CPED1: variants seen among roughly 807,000 people sequenced by gnomAD.
The protein encoded by CPED1 is cadherin like and PC-esterase domain containing 1, also known as cadherin-like and PC-esterase domain-containing protein 1.
A neutral mutation model predicts 128.2 loss-of-function variants in CPED1; 114 were observed. The ratio of observed to expected loss-of-function variants is 0.89; its 90% CI spans 0.76 to 1.04. CPED1 has a LOEUF of 1.04. Ranked by LOEUF, CPED1 falls within the 50% of genes least tolerant of loss-of-function variation. CPED1 has a pLI of 0.00. For synonymous variants in CPED1, 462 were observed against 426.7 expected (o/e 1.08, Z -1.02); for missense variants, 1,211 against 1,207.1 (o/e 1.00, Z -0.05).
At chr7:121,036,507 A>ATTTT (rs1302763163) in intron 3 of CPED1, among the ~76,000 whole-genome samples, 4 of 133,924 alleles carry the variant, frequency 3.0e-5, no homozygotes, top group Admixed American at 7.9e-5. Context: ...ATATATATAT[A>ATTTT]TTTTTTTTTT....
At chr7:121,251,411 A>G (rs1725139152) in intron 18 of CPED1, among the ~76,000 whole-genome samples, 1 of 152,176 alleles carries the variant, frequency 6.6e-6, no homozygotes, top group Non-Finnish European at 1.5e-5. Flanking sequence ...GGCACAAGAC[A>G]GGGATGCCCT....
chr7:121,041,563 G>A (rs1793052662), intron 3 of CPED1, among the ~76,000 whole-genome samples: 1 of 152,082 alleles, frequency 6.6e-6, no homozygotes, highest in Non-Finnish European at 1.5e-5. Flanking sequence ...TTTCTCTGTT[G>A]TTCTCTGGAT....
chr7:121,092,831 C>A (rs971701174), intron 5 of CPED1, among the ~76,000 whole-genome samples: 2 of 152,186 alleles, frequency 1.3e-5, no homozygotes, highest in African/African-American at 4.8e-5. Context: ...TGCATTTCAG[C>A]TCTGGTGCTG....
intron 7 of CPED1, among the ~76,000 whole-genome samples, chr7:121,110,392 G>C (rs1795080837): frequency 6.6e-6 from 1 of 152,150 alleles, no homozygotes; most frequent in Non-Finnish European, 1.5e-5. Flanking sequence ...ATATATCTAA[G>C]AATGAAATGA....
intron 16 of CPED1, among the ~76,000 whole-genome samples, chr7:121,195,562 T>C (rs1308990084): frequency 6.6e-6 from 1 of 152,116 alleles, no homozygotes. Flanking sequence ...TGGAACCAAA[T>C]GTAGAAAAGT....
intron 4 of CPED1, among the ~76,000 whole-genome samples, chr7:121,063,615 G>A (rs1459970983): frequency 6.6e-6 from 1 of 152,096 alleles, no homozygotes; most frequent in Non-Finnish European, 1.5e-5. Flanking sequence ...TGATCTGTTG[G>A]TTTTAACAAG....
chr7:121,216,714 T>C (rs76057316), intron 16 of CPED1, among the ~76,000 whole-genome samples: 5 of 152,154 alleles, frequency 3.3e-5, no homozygotes, highest in Non-Finnish European at 7.4e-5. Flanking sequence ...CAATCACCTA[T>C]AGCCAAAAAG....
chr7:121,047,709 CTTCTTCTTTTT>C (rs1376862169), intron 4 of CPED1, among the ~76,000 whole-genome samples: 8 of 86,820 alleles, frequency 9.2e-5, no homozygotes, highest in African/African-American at 4.1e-4. Context: ...TCTTCTTCTT[CTTCTTCTTTTT>C]TTTTTTTTGA....
chr7:121,088,966 A>G (rs1313888596), intron 5 of CPED1, among the ~76,000 whole-genome samples: 1 of 152,108 alleles, frequency 6.6e-6, no homozygotes, highest in Non-Finnish European at 1.5e-5. Context: ...AAGGCTGAGA[A>G]TTGAGACACC....
intron 7 of CPED1, among the ~76,000 whole-genome samples, chr7:121,103,725 C>T (rs886964899): frequency 2.4e-4 from 37 of 151,978 alleles, no homozygotes; most frequent in African/African-American, 8.7e-4. Context: ...GAATTCAAAG[C>T]CCAAATGACT....
intron 18 of CPED1, among the ~76,000 whole-genome samples, chr7:121,246,473 C>T (rs1293406231): frequency 6.6e-6 from 1 of 152,180 alleles, no homozygotes; most frequent in Middle Eastern, 3.2e-3. Flanking sequence ...TAGCCCTCTT[C>T]CTGGCTTCTG....
chr7:121,015,218 C>T (rs1585018781), intron 2 of CPED1, among the ~76,000 whole-genome samples: 2 of 152,298 alleles, frequency 1.3e-5, no homozygotes, highest in East Asian at 3.9e-4. Flanking sequence ...CTCACCTCGA[C>T]CCCTTCCTGA....
chr7:121,105,213 T>TTA (rs554814248), intron 7 of CPED1, among the ~76,000 whole-genome samples: 72 of 152,274 alleles, frequency 4.7e-4, no homozygotes, highest in Non-Finnish European at 8.2e-4. Context: ...CATATATCCC[T>TTA]TATTCATTTT....
At chr7:121,233,949 C>T (rs1563073851) in intron 16 of CPED1, among the ~76,000 whole-genome samples, 1 of 152,048 alleles carries the variant, frequency 6.6e-6, no homozygotes, top group African/African-American at 2.4e-5. Context: ...TGCTCATTCT[C>T]AGGCTTACAT....
At chr7:121,154,113 C>T (rs908354274) in intron 16 of CPED1, among the ~76,000 whole-genome samples, 3 of 152,316 alleles carry the variant, frequency 2.0e-5, no homozygotes, top group Admixed American at 1.3e-4. Context: ...GTAGTATGTA[C>T]TGTGCTACTG....
intron 2 of CPED1, among the ~76,000 whole-genome samples, chr7:121,001,420 A>C (rs1415907520): frequency 6.6e-6 from 1 of 152,136 alleles, no homozygotes; most frequent in Non-Finnish European, 1.5e-5. Flanking sequence ...ACCTGAGCAT[A>C]TTTTGAGTAT....
chr7:120,989,555 T>A lies in CPED1; in HGVS notation c.-67T>A, dbSNP rs1385179843. 3.2e-6 allele frequency: 5 copies of A among 1,573,496 alleles called. No individual in the cohort carries two copies. The East Asian group carries it at 9.0e-5, about 28-fold the overall frequency. ...GAAGACAGATTAGTATTTTTCATGCTGACAAAAAATAGCTGCTATGACTTT... is the reference window on the plus strand; with the variant it reads ...GAAGACAGATTAGTATTTTTCATGCAGACAAAAAATAGCTGCTATGACTTT... On this transcript the variant is annotated 5_prime_UTR_variant, in exon 2 of 23. Transcript: ENST00000310396.
rs202235189 is a variant in CPED1 at position 121,136,128 on chromosome 7, C to T, written c.1699+38C>T. ...TAAAGTGTTGTAGCAGCATAATAAA[C>T]AATTAGGGAACAGCCTTACTTTGAA... is the stretch of plus-strand genomic sequence containing the variant. On this transcript the variant is annotated intron_variant, in intron 14 of 22. Coordinates refer to ENST00000310396, the MANE Select transcript of CPED1 (RefSeq NM_024913.5). 1.1e-3 allele frequency: 1,648 copies of T among 1,517,944 alleles called. 6 individuals carry two copies. The highest frequency in any genetic ancestry group is 1.3e-3 in the Non-Finnish European group (1,528 of 1,140,706). 94.0% of individuals were successfully genotyped at this position (1,517,944 alleles called of 1,614,324 possible). A position where few individuals can be genotyped will look rare whatever the true frequency, so the allele number is the denominator to read the frequency against.
chr7:120,998,873 G>C (rs919977165), intron 2 of CPED1, among the ~76,000 whole-genome samples: 2 of 151,836 alleles, frequency 1.3e-5, no homozygotes, highest in East Asian at 3.9e-4. Flanking sequence ...AGCTGGGGAT[G>C]GGGAGGAGTG....
Sources: allele counts gnomAD v4.1 joint callset (sites outside exome capture counted in the v4.1 genomes callset), GRCh38; gene constraint gnomAD v4.1.1; transcripts MANE v1.5; gene names NCBI Gene and HGNC (gene_info 2026-07-23, HGNC 2026-07-21).